WDR62: variants seen among roughly 807,000 people sequenced by gnomAD.
WDR62 encodes the protein WD repeat-containing protein 62.
In WDR62, 112 loss-of-function variants were observed where a neutral mutation model predicts 160.6. That is an observed-to-expected ratio of 0.70 (90% CI 0.60 to 0.82). The LOEUF (loss-of-function observed/expected upper bound fraction) is 0.82, where lower values mean the gene tolerates loss of function less well. WDR62 is among the 40% of genes least tolerant of loss of function. The probability of loss-of-function intolerance (pLI) is 0.00; values close to 1 mark genes in which losing one functional copy is unlikely to be tolerated. For missense variants in WDR62, 1,819 were observed against 1,983.8 expected, an observed-to-expected ratio of 0.92 and a Z score of 1.58; for synonymous variants, 792 against 815.1, an observed-to-expected ratio of 0.97 and a Z score of 0.48.
At chr19:36,073,200 G>A (rs528190423) in intron 8 of WDR62, 142 bp from the exon 9 acceptor site, 1 of 845,106 alleles carries the variant, frequency 1.2e-6, no homozygotes, top group African/African-American at 1.7e-5. Flanking sequence ...AGAGGGAAAA[G>A]TAGAATTGGA....
At chr19:36,069,417 C>A (rs1025640659) in intron 7 of WDR62, among the ~76,000 whole-genome samples, 9 of 151,720 alleles carry the variant, frequency 5.9e-5, no homozygotes, top group African/African-American at 2.2e-4. Flanking sequence ...AGGCGCTCCC[C>A]GCATCTCAGA....
intron 12 of WDR62, among the ~76,000 whole-genome samples, chr19:36,085,236 C>G (rs917316672): frequency 6.6e-6 from 1 of 151,998 alleles, no homozygotes; most frequent in African/African-American, 2.4e-5. Context: ...GTGCCTCAGT[C>G]TCCCATGTAG....
downstream of WDR62, among the ~76,000 whole-genome samples, chr19:36,108,244 G>A (rs1047277101): frequency 1.3e-5 from 2 of 152,122 alleles, no homozygotes; most frequent in African/African-American, 4.8e-5. Flanking sequence ...AGAAGCCCAG[G>A]TGACCCCGCC....
the WDR62 span, among the ~76,000 whole-genome samples, chr19:36,110,894 T>C: frequency 6.6e-6 from 1 of 152,110 alleles, no homozygotes; most frequent in East Asian, 1.9e-4. Flanking sequence ...GCCTTGTTTC[T>C]TCTTCCTATC....
rs1035908224 is a variant in WDR62, at chr19:36,071,687, G to A, written c.1014G>A (p.Gly338=). The change falls in exon 8 of 32, where the codon GGG becomes GGA. Residue 338 remains glycine, a synonymous_variant. Transcript: ENST00000401500. ...ACCTGCCCAAGCCACACTACCTTGGGGTAGACGTGGCACAGGGCCTGGAGC... is the reference window on the plus strand; with the variant it reads ...ACCTGCCCAAGCCACACTACCTTGGAGTAGACGTGGCACAGGGCCTGGAGC... ...LANLPKPHYL[G]VDVAQGLEPS... is the part of the protein sequence containing the mutation. The A allele has an allele frequency of 1.2e-6, 2 of 1,614,012 alleles. No individual in the cohort carries two copies. Among genetic ancestry groups the A allele is most frequent in the African/African-American group, 2.7e-5 (2 of 74,950 alleles).
intron 13 of WDR62, among the ~76,000 whole-genome samples, chr19:36,088,310 A>C (rs1972378656): frequency 6.6e-6 from 1 of 152,228 alleles, no homozygotes; most frequent in Non-Finnish European, 1.5e-5. Flanking sequence ...CTGTCTCAAA[A>C]AAAAAGAAAT....
At position 36,089,087 on chromosome 19, in the gene WDR62, C is replaced by T; in HGVS notation, c.1818C>T (p.Tyr606=). The T allele has an allele frequency of 6.2e-7, 1 of 1,614,168 alleles. No homozygotes were observed. The change falls in exon 14 of 32, where the codon TAC becomes TAT. Residue 606 remains tyrosine, a synonymous_variant. Coordinates refer to ENST00000401500, the MANE Select transcript of WDR62 (RefSeq NM_001083961.2). ...MISCGADKSI[Y]FRSAQQGSDG... is the part of the protein sequence containing the mutation. ...GCTGTGGGGCTGACAAGAGCATCTA[C>T]TTTCGCAGTGCCCAGCAGGTAGGGT...
intron 9 of WDR62, among the ~76,000 whole-genome samples, chr19:36,076,197 G>A (rs909678290): frequency 6.6e-6 from 1 of 152,022 alleles, no homozygotes; most frequent in East Asian, 1.9e-4. Context: ...ATGCCAATAT[G>A]TTCCAGTCTC....
At chr19:36,077,005 TACATG>T (rs1472084198) in intron 9 of WDR62, among the ~76,000 whole-genome samples, 1 of 152,102 alleles carries the variant, frequency 6.6e-6, no homozygotes, top group Admixed American at 6.6e-5. Flanking sequence ...TGATAAAATA[TACATG>T]ACATCAAGTT....
chr19:36,074,054 T>G, intron 9 of WDR62: 1 of 288,028 alleles, frequency 3.5e-6, no homozygotes, highest in Non-Finnish European at 6.9e-6. Context: ...ATCCCAACAC[T>G]TTGGGAATCT....
At chr19:36,103,271 T>C (rs1321847445) in intron 29 of WDR62, 64 bp downstream of exon 29, 1 of 1,611,740 alleles carries the variant, frequency 6.2e-7, no homozygotes, top group African/African-American at 1.3e-5. Context: ...ATGTCCAGCC[T>C]AGCTGTGGGG....
At chr19:36,076,876 C>T (rs895424452) in intron 9 of WDR62, among the ~76,000 whole-genome samples, 1 of 152,072 alleles carries the variant, frequency 6.6e-6, no homozygotes, top group Non-Finnish European at 1.5e-5. Flanking sequence ...TTTACAGGAT[C>T]TGAATATGTA....
rs1972808168 is a variant in WDR62, at chr19:36,094,141, C to A, written c.2444C>A (p.Pro815Gln). 1.2e-6 allele frequency: 2 copies of A among 1,614,144 alleles called. No homozygotes were observed. Among genetic ancestry groups the A allele is most frequent in the African/African-American group, 1.3e-5 (1 of 75,044 alleles). ...GAGCCAGAAGAGATGCTGAAGACAC[C>A]ATCCAAAGATAGCTTGGATCCAGGT... ...ECEPEEMLKT[P>Q]SKDSLDPDPR... The change falls in exon 20 of 32, where the codon CCA becomes CAA. Residue 815 changes from proline to glutamine, a missense_variant. By Grantham distance (76) the Pro-to-Gln change is moderately conservative. This residue lies in a region of WDR62 where 934 missense variants were observed against 1,157.2 expected (regional missense o/e 0.81). Coordinates refer to ENST00000401500, the MANE Select transcript of WDR62 (RefSeq NM_001083961.2).
Position 36,104,673 on chromosome 19 carries a change from G to A in WDR62, c.4309G>A (p.Val1437Met). 1.2e-6 allele frequency: 2 copies of A among 1,614,114 alleles called. No individual in the cohort carries two copies. Among genetic ancestry groups the A allele is most frequent in the Non-Finnish European group, 1.7e-6 (2 of 1,180,030 alleles). The change falls in exon 31 of 32, where the codon GTG (valine) becomes ATG (methionine). Residue 1437 changes from valine to methionine, a missense_variant and splice_region_variant. By Grantham distance (21) the Val-to-Met change is conservative. Around this residue, in one of 3 missense-constraint regions of WDR62, gnomAD observed 770 missense variants for 734.2 expected, o/e 1.05. Transcript: ENST00000401500. Reference protein sequence around the residue: ...TFQEALDLYRVLVSSGQVDTG... With the variant: ...TFQEALDLYRMLVSSGQVDTG... ...CCAAGAAGCCCTCGACCTTTACCGT[G>A]TGGTGAGCTAAGCCCCAGAGTTGGG... is the stretch of plus-strand genomic sequence containing the variant.
chr19:36,094,154 C>T lies in WDR62; in HGVS notation c.2457C>T (p.Ser819=). 1 of 1,614,098 alleles carries T rather than the reference C, an allele frequency of 6.2e-7. No individual in the cohort carries two copies. Among genetic ancestry groups the T allele is most frequent in the Non-Finnish European group, 8.5e-7 (1 of 1,180,004 alleles). ...TGCTGAAGACACCATCCAAAGATAG[C>T]TTGGATCCAGGTTGGAAAAGGGGCC... ...EEMLKTPSKD[S]LDPDPRCLLT... Residue 819 remains serine (S), a synonymous_variant, in exon 20 of 32, where the codon AGC becomes AGT. Coordinates refer to ENST00000401500, the MANE Select transcript of WDR62 (RefSeq NM_001083961.2).
At chr19:36,107,893 G>C (rs1330329109), downstream of WDR62, among the ~76,000 whole-genome samples, 1 of 152,104 alleles carries the variant, frequency 6.6e-6, no homozygotes, top group Non-Finnish European at 1.5e-5. Context: ...TGGTTTGTGA[G>C]CTGACAGGGT....
At chr19:36,068,563 A>T (rs1175223758) in intron 7 of WDR62, among the ~76,000 whole-genome samples, 5 of 152,302 alleles carry the variant, frequency 3.3e-5, no homozygotes, top group African/African-American at 1.2e-4. Context: ...ATGACTCTTA[A>T]CGAGTCTGCT....
At chr19:36,085,414 C>CTGTTTTTTTTTTTT (rs1972153698) in intron 12 of WDR62, among the ~76,000 whole-genome samples, 1 of 70,382 alleles carries the variant, frequency 1.4e-5, no homozygotes, top group Non-Finnish European at 2.8e-5. Flanking sequence ...CACACCTGAC[C>CTGTTTTTTTTTTTT]TTTTTTTTTT....
At chr19:36,098,563 C>CAA (rs753131216) in intron 21 of WDR62, among the ~76,000 whole-genome samples, 17,931 of 98,458 alleles carry the variant, frequency 0.18, 1,428 homozygotes, top group Middle Eastern at 0.35. Flanking sequence ...GACTCCCTCT[C>CAA]AAAAAAAAAA....
Sources: gnomAD v4.1 joint callset for allele counts (sites outside exome capture counted in the v4.1 genomes callset) on GRCh38, gnomAD v4.1.1 for gene constraint, gnomAD v4.1.1 regional missense constraint, MANE v1.5 for transcripts, NCBI Gene and HGNC (gene_info 2026-07-23, HGNC 2026-07-21) for gene names.